The following SNX29 variants were observed in gnomAD, a reference collection of about 807,000 sequenced individuals.
SNX29 encodes sorting nexin-29.
In SNX29, 78 loss-of-function variants were observed where a neutral mutation model predicts 102.1. That is an observed-to-expected ratio of 0.76 (90% confidence interval 0.64 to 0.92). The LOEUF (loss-of-function observed/expected upper bound fraction) is 0.92. Ranked by LOEUF, SNX29 falls within the 40% of genes least tolerant of loss-of-function variation. The pLI is 0.00. For missense variants in SNX29, 1,280 were observed against 1,061.7 expected, an observed-to-expected ratio of 1.21 and a Z score of -2.86; for synonymous variants, 580 against 414.5, an observed-to-expected ratio of 1.40 and a Z score of -4.85.
At chr16:12,085,375 G>A (rs945835129) in intron 11 of SNX29, among the ~76,000 whole-genome samples, 1 of 152,198 alleles carries the variant, frequency 6.6e-6, no homozygotes. Flanking sequence ...TGGCCAGGCT[G>A]GAATGCACTG....
chr16:12,543,484 A>C (rs749001692), intron 20 of SNX29, among the ~76,000 whole-genome samples: 4 of 152,198 alleles, frequency 2.6e-5, no homozygotes, highest in Non-Finnish European at 5.9e-5. Context: ...CAGTAAAGCC[A>C]CAGCCACCTG....
chr16:12,044,081 G>A (rs1327200309), intron 5 of SNX29, among the ~76,000 whole-genome samples: 1 of 152,196 alleles, frequency 6.6e-6, no homozygotes. Flanking sequence ...TCTGAGAATG[G>A]TGGACTAGAC....
At position 12,571,143 on chromosome 16, in the gene SNX29, TGC is replaced by T. The variant is rs2079179106; in HGVS notation, c.*2515_*2516del. 8.6e-6 allele frequency: 2 copies of T among 232,684 alleles called. No homozygotes were observed. The highest frequency in any genetic ancestry group is 1.2e-4 in the East Asian group (2 of 16,508). The allele number at this position is 232,684 out of a possible 1,614,324, so 14.4% of individuals were successfully genotyped here. ...TGTTCTGCAATGATTGGGTCCATCT[TGC>T]TGCTCAGAAGAATCCCGTCCTGCTC... is the stretch of plus-strand genomic sequence containing the variant. On this transcript the variant is annotated 3_prime_UTR_variant, in exon 21 of 21. Coordinates refer to ENST00000566228, the MANE Select transcript of SNX29 (RefSeq NM_032167.5).
intron 18 of SNX29, among the ~76,000 whole-genome samples, chr16:12,444,675 C>G (rs2085964345): frequency 6.6e-6 from 1 of 152,096 alleles, no homozygotes; most frequent in Non-Finnish European, 1.5e-5. Flanking sequence ...CCATGGCCTC[C>G]AAGCCTCACT....
At chr16:12,466,142 C>G (rs1386716234) in intron 18 of SNX29, among the ~76,000 whole-genome samples, 1 of 152,144 alleles carries the variant, frequency 6.6e-6, no homozygotes, top group African/African-American at 2.4e-5. Context: ...AAGTCCCATT[C>G]AGAGCAATTA....
intron 20 of SNX29, chr16:12,526,675 G>A (rs1461176298): frequency 9.9e-6 from 5 of 507,164 alleles, no homozygotes; most frequent in African/African-American, 3.8e-5. Context: ...ATCACGCATC[G>A]ACTGAATTCC....
chr16:12,360,310 ACT>A (rs2082265973), intron 16 of SNX29, among the ~76,000 whole-genome samples: 1 of 150,932 alleles, frequency 6.6e-6, no homozygotes, highest in Non-Finnish European at 1.5e-5. Context: ...CCTTGCTGTC[ACT>A]CTCTTTTTTC....
intron 2 of SNX29, among the ~76,000 whole-genome samples, chr16:11,999,828 T>C (rs2056221976): frequency 6.6e-6 from 1 of 151,704 alleles, no homozygotes; most frequent in Admixed American, 6.6e-5. Context: ...TTGAACCTGG[T>C]AGGTGGTAGT....
chr16:12,540,038 T>C (rs1641893), intron 20 of SNX29, among the ~76,000 whole-genome samples: 18,883 of 152,216 alleles, frequency 0.12, 1,390 homozygotes, highest in Non-Finnish European at 0.16. Flanking sequence ...TTTGATGAAA[T>C]TTACTTTTTG....
chr16:12,081,398 G>A (rs565413024), intron 11 of SNX29: 1 of 152,260 alleles, frequency 6.6e-6, no homozygotes, highest in Admixed American at 6.5e-5. Flanking sequence ...GAAAAGTAGG[G>A]ATTGAAACCA....
intron 1 of SNX29, among the ~76,000 whole-genome samples, chr16:11,990,054 A>G (rs1437094944): frequency 2.6e-5 from 4 of 152,168 alleles, no homozygotes; most frequent in Admixed American, 2.0e-4. Context: ...TAAATGATCA[A>G]TGTCTCCAAG....
At chr16:12,271,716 G>A (rs2079097169) in intron 14 of SNX29, among the ~76,000 whole-genome samples, 1 of 151,798 alleles carries the variant, frequency 6.6e-6, no homozygotes, top group Non-Finnish European at 1.5e-5. Flanking sequence ...TCCGCCTCCT[G>A]GGTTCAAGTG....
At chr16:12,431,925 C>T (rs900002642) in intron 18 of SNX29, among the ~76,000 whole-genome samples, 7 of 152,224 alleles carry the variant, frequency 4.6e-5, no homozygotes, top group East Asian at 3.8e-4. Flanking sequence ...CAAAGACTTA[C>T]GGGGAACCTT....
At chr16:12,101,573 A>C (rs2053022752) in intron 11 of SNX29, among the ~76,000 whole-genome samples, 6 of 151,848 alleles carry the variant, frequency 4.0e-5, no homozygotes. Flanking sequence ...TACTAGAGAC[A>C]GAGTTTCACC....
rs112280081 is a variant in SNX29, at chr16:12,541,860, G to T, written c.2318+17019G>T. ...CTCCCAGCTTTGTAGCACATGCCTGGAAACCAGTCAATGCTTGATGAATGT... is the reference window on the plus strand; with the variant it reads ...CTCCCAGCTTTGTAGCACATGCCTGTAAACCAGTCAATGCTTGATGAATGT... On this transcript the variant is annotated intron_variant, in intron 20 of 20. Transcript: ENST00000566228. Among the ~76,000 whole-genome samples the T allele has an allele frequency of 7.3e-4, 111 of 152,212 alleles. 1 individual carries two copies. The Middle Eastern group carries it at 0.01, about 14-fold the overall frequency.
intron 20 of SNX29, among the ~76,000 whole-genome samples, chr16:12,538,335 T>C (rs2077170810): frequency 6.6e-6 from 1 of 152,198 alleles, no homozygotes; most frequent in Non-Finnish European, 1.5e-5. Flanking sequence ...TTAGCCAGGA[T>C]GGTCTCGGTC....
chr16:11,980,965 C>CTT (rs1289274238), intron 1 of SNX29, among the ~76,000 whole-genome samples: 1 of 141,906 alleles, frequency 7.0e-6, no homozygotes, highest in African/African-American at 2.6e-5. Context: ...TTTTCATTTT[C>CTT]TTTTTTTTTT....
intron 14 of SNX29, among the ~76,000 whole-genome samples, chr16:12,203,079 T>G (rs1006522680): frequency 6.7e-6 from 1 of 150,146 alleles, no homozygotes. Flanking sequence ...AGGTGACAGC[T>G]CTCAAGTTGT....
intron 8 of SNX29, among the ~76,000 whole-genome samples, chr16:12,058,260 A>G (rs2050602524): frequency 2.0e-5 from 3 of 152,184 alleles, no homozygotes; most frequent in Admixed American, 2.0e-4. Flanking sequence ...AATGTTTTGG[A>G]TAATGTGGCT....
Sources: gnomAD v4.1 joint callset for allele counts (sites outside exome capture counted in the v4.1 genomes callset) on GRCh38, gnomAD v4.1.1 for gene constraint, MANE v1.5 for transcripts, NCBI Gene and HGNC (gene_info 2026-07-23, HGNC 2026-07-21) for gene names.